Variants in SERGEF observed in about 807,000 individuals in gnomAD.
SERGEF encodes the protein secretion-regulating guanine nucleotide exchange factor.
SERGEF carries 51 observed loss-of-function variants against 50.0 expected under a neutral mutation model. The ratio of observed to expected loss-of-function variants is 1.02; its 90% CI spans 0.81 to 1.29. The LOEUF (loss-of-function observed/expected upper bound fraction) is 1.29. Among genes scored for constraint, SERGEF ranks in the 50% most tolerant of loss-of-function variants. The pLI, the probability that SERGEF is intolerant of heterozygous loss-of-function variation, is 0.00. For missense variants in SERGEF, 521 were observed against 557.0 expected, an observed-to-expected ratio of 0.94 and a Z score of 0.65; for synonymous variants, 205 against 212.4, an observed-to-expected ratio of 0.97 and a Z score of 0.30.
intron 8 of SERGEF, among the ~76,000 whole-genome samples, chr11:17,970,351 T>C (rs1321030146): frequency 6.6e-6 from 1 of 152,170 alleles, no homozygotes; most frequent in Non-Finnish European, 1.5e-5. Flanking sequence ...CCATGTAAGA[T>C]GGCAAACTTA....
At chr11:17,879,508 A>T (rs188425543) in intron 9 of SERGEF, among the ~76,000 whole-genome samples, 52 of 152,328 alleles carry the variant, frequency 3.4e-4, no homozygotes, top group Admixed American at 2.1e-3. Context: ...GTCTGTGACA[A>T]AACTAAGACT....
rs143853734 is a variant in SERGEF at position 17,977,939 on chromosome 11, G to T, written c.844+10658C>A. ...ATAAGCCACCCAGTCTATATCACTT[G>T]GTATAGCAGCCTGAATGGAATAAGA... is the stretch of plus-strand genomic sequence containing the variant. On this transcript the variant is annotated intron_variant, in intron 8 of 10. Transcript: ENST00000265965. 5.9e-3 allele frequency among the ~76,000 whole-genome samples: 894 copies of T among 152,268 alleles called. 10 individuals carry two copies. The highest frequency in any genetic ancestry group is 0.02 in the African/African-American group (846 of 41,550).
In SERGEF at chr11:17,931,007, G is replaced by A. The variant is rs531311433; in HGVS notation, c.1011+28463C>T. ...AGGAAGAGCTAATATGGTATTTCCTGAGCCTATTTAGTCTCCCAATTCAGC... is the reference window on the plus strand; with the variant it reads ...AGGAAGAGCTAATATGGTATTTCCTAAGCCTATTTAGTCTCCCAATTCAGC... On this transcript the variant is annotated intron_variant, in intron 9 of 10. Transcript: ENST00000265965. Among the ~76,000 whole-genome samples the A allele has an allele frequency of 2.6e-5, 4 of 152,178 alleles. No homozygotes were observed. In the South Asian group the frequency reaches 8.3e-4, roughly 32 times the overall value.
intron 10 of SERGEF, among the ~76,000 whole-genome samples, chr11:17,873,829 C>A (rs1851195126): frequency 6.6e-6 from 1 of 152,296 alleles, no homozygotes; most frequent in South Asian, 2.1e-4. Context: ...ACGCAGTCAG[C>A]TCTTTTTTCT....
At chr11:17,872,345 G>A (rs1322062725) in intron 10 of SERGEF, among the ~76,000 whole-genome samples, 2 of 151,434 alleles carry the variant, frequency 1.3e-5, no homozygotes, top group African/African-American at 2.4e-5. Flanking sequence ...ACATACATAT[G>A]TAAAAATTCA....
chr11:17,865,056 T>G (rs1850995917), intron 10 of SERGEF, among the ~76,000 whole-genome samples: 1 of 152,180 alleles, frequency 6.6e-6, no homozygotes, highest in South Asian at 2.1e-4. Context: ...AATATAGTCA[T>G]GCTATTTTGT....
intron 9 of SERGEF, chr11:17,939,436 T>G (rs1852518594): frequency 1.3e-5 from 2 of 152,214 alleles, no homozygotes; most frequent in Admixed American, 1.3e-4. Context: ...GGCAAGAGTA[T>G]TTGAGTGTGG....
At chr11:17,894,796 G>T (rs1029215317) in intron 9 of SERGEF, among the ~76,000 whole-genome samples, 3 of 152,122 alleles carry the variant, frequency 2.0e-5, no homozygotes, top group African/African-American at 7.2e-5. Context: ...TAAATGCATT[G>T]AACTCTGTAA....
chr11:17,953,094 C>T (rs1295567159), intron 9 of SERGEF, among the ~76,000 whole-genome samples: 4 of 148,884 alleles, frequency 2.7e-5, no homozygotes, highest in Non-Finnish European at 5.9e-5. Context: ...CAGCAGAACC[C>T]AGCAAAACCA....
At chr11:17,824,341 T>C (rs1850146538) in intron 10 of SERGEF, among the ~76,000 whole-genome samples, 1 of 151,820 alleles carries the variant, frequency 6.6e-6, no homozygotes, top group South Asian at 2.1e-4. Context: ...TTCTCCCTTC[T>C]ATCTGGCTGA....
chr11:17,932,502 A>G (rs1051821408), intron 9 of SERGEF, among the ~76,000 whole-genome samples: 1 of 152,224 alleles, frequency 6.6e-6, no homozygotes, highest in Non-Finnish European at 1.5e-5. Flanking sequence ...ATGGAAAAAT[A>G]AATGTGTGCA....
intron 10 of SERGEF, among the ~76,000 whole-genome samples, chr11:17,796,545 C>T (rs558252665): frequency 6.6e-6 from 1 of 152,288 alleles, no homozygotes; most frequent in African/African-American, 2.4e-5. Context: ...GCCCTTTTGC[C>T]ATGTTATGAT....
In SERGEF at chr11:17,998,432, CATACATACATATATAT is replaced by C. The variant is rs1490931020; in HGVS notation, c.508+2049_508+2064del. 8.9e-4 allele frequency among the ~76,000 whole-genome samples: 50 copies of C among 55,876 alleles called. 2 individuals carry two copies. Among genetic ancestry groups the C allele is most frequent in the Middle Eastern group, 7.6e-3 (1 of 132 alleles). 36.7% of individuals were successfully genotyped at this position (55,876 alleles called of 152,430 possible). A position where few individuals can be genotyped will look rare whatever the true frequency, so the allele number is the denominator to read the frequency against. On this transcript the variant is annotated intron_variant, in intron 5 of 10. Coordinates refer to ENST00000265965, the MANE Select transcript of SERGEF (RefSeq NM_012139.4). ...ACCCTATCTTAAAAATACATACATACATACATACATATATATATATATATATATATATATATATATA... is the reference window on the plus strand; with the variant it reads ...ACCCTATCTTAAAAATACATACATACATATATATATATATATATATATATA...
intron 9 of SERGEF, among the ~76,000 whole-genome samples, chr11:17,917,119 A>G (rs553702280): frequency 6.4e-4 from 97 of 152,384 alleles, no homozygotes; most frequent in African/African-American, 2.3e-3. Context: ...TTGCACATGC[A>G]TGTTTATAGC....
At chr11:17,985,236 G>C (rs1853569887) in intron 8 of SERGEF, among the ~76,000 whole-genome samples, 1 of 152,130 alleles carries the variant, frequency 6.6e-6, no homozygotes, top group African/African-American at 2.4e-5. Flanking sequence ...ACCCCAGGCA[G>C]CCATCACTTA....
intron 10 of SERGEF, among the ~76,000 whole-genome samples, chr11:17,809,594 GGA>G (rs1849828966): frequency 6.6e-6 from 1 of 152,162 alleles, no homozygotes; most frequent in Non-Finnish European, 1.5e-5. Flanking sequence ...GAGATCATTT[GGA>G]GGTGGAGGCA....
At chr11:18,004,707 T>C (rs1854036612) in intron 3 of SERGEF, among the ~76,000 whole-genome samples, 172 bp from the exon 4 acceptor site, 1 of 152,228 alleles carries the variant, frequency 6.6e-6, no homozygotes, top group South Asian at 2.1e-4. Context: ...GGCACCAGGT[T>C]AAGCACTCTA....
chr11:17,979,668 T>C (rs1853452632), intron 8 of SERGEF, among the ~76,000 whole-genome samples: 1 of 152,208 alleles, frequency 6.6e-6, no homozygotes. Context: ...CTATTCTTTG[T>C]GGACTCAACT....
At chr11:17,855,762 C>G (rs141451416) in intron 10 of SERGEF, 1 of 152,194 alleles carries the variant, frequency 6.6e-6, no homozygotes, top group Non-Finnish European at 1.5e-5. Context: ...CTCTGAGACA[C>G]GATTTGAAGC....
Sources: allele counts gnomAD v4.1 joint callset (sites outside exome capture counted in the v4.1 genomes callset), GRCh38; gene constraint gnomAD v4.1.1; transcripts MANE v1.5; gene names NCBI Gene and HGNC (gene_info 2026-07-23, HGNC 2026-07-21).